ZNF423: variants seen among roughly 807,000 people sequenced by gnomAD.
ZNF423 encodes the protein zinc finger protein 423.
In ZNF423, 12 loss-of-function variants were observed where a neutral mutation model predicts 95.8. The observed-to-expected ratio is 0.13, with a 90% confidence interval of 0.08 to 0.20. ZNF423 has a LOEUF of 0.20. Among genes scored for constraint, ZNF423 ranks in the 10% least tolerant of loss-of-function variants. The pLI, the probability that ZNF423 is intolerant of heterozygous loss-of-function variation, is 1.00. For synonymous variants in ZNF423, 749 were observed against 711.9 expected, an observed-to-expected ratio of 1.05 and a Z score of -0.83; for missense variants, 1,316 against 1,737.1, an observed-to-expected ratio of 0.76 and a Z score of 4.31.
chr16:49,852,314 A>G (rs1437372988), intron 1 of ZNF423, among the ~76,000 whole-genome samples: 3 of 152,224 alleles, frequency 2.0e-5, no homozygotes, highest in African/African-American at 7.2e-5. Context: ...GGCAGTTGCT[A>G]GAGAGAGAAA....
At position 49,691,420 on chromosome 16, in the gene ZNF423, G is replaced by A. The variant is rs2031775935; in HGVS notation, c.301+39351C>T. ...AGTTACTGAACATCTCTGAGCCTCG[G>A]TTTCCTCATAGGTTAAAACAGAGGA... On this transcript the variant is annotated intron_variant, in intron 3 of 7. Coordinates refer to ENST00000563137, the MANE Select transcript of ZNF423 (RefSeq NM_001379286.1). 1.3e-5 allele frequency among the ~76,000 whole-genome samples: 2 copies of A among 152,280 alleles called. 1 individual carries two copies. Among genetic ancestry groups the A allele is most frequent in the South Asian group, 4.1e-4 (2 of 4,822 alleles).
At chr16:49,792,002 C>CAA (rs1227429391) in intron 1 of ZNF423, among the ~76,000 whole-genome samples, 5 of 71,198 alleles carry the variant, frequency 7.0e-5, no homozygotes, top group African/African-American at 2.4e-4. Flanking sequence ...GACTCCATCT[C>CAA]AAAAAAAAAA....
intron 2 of ZNF423, among the ~76,000 whole-genome samples, chr16:49,770,836 G>C (rs919060602): frequency 2.6e-5 from 4 of 152,206 alleles, no homozygotes; most frequent in Non-Finnish European, 5.9e-5. Context: ...CCTGGCCCAG[G>C]GCACTAAGAC....
chr16:49,503,120 G>A lies in ZNF423; in HGVS notation c.3850-11816C>T, dbSNP rs563313927. On this transcript the variant is annotated intron_variant, in intron 7 of 7. Coordinates refer to ENST00000563137, the MANE Select transcript of ZNF423 (RefSeq NM_001379286.1). The stretch of plus-strand genomic sequence containing the variant: ...TGACACTAACCATGTAGTGCTAAGC[G>A]GTCAGAGGCCAGTTACTTTTACTTT... Among the ~76,000 whole-genome samples, 3 of 151,716 alleles carry A rather than the reference G, an allele frequency of 2.0e-5. No individual in the cohort carries two copies. In the South Asian group the frequency reaches 6.3e-4, roughly 32 times the overall value.
intron 5 of ZNF423, among the ~76,000 whole-genome samples, chr16:49,620,696 A>T (rs1231279457): frequency 2.6e-5 from 4 of 152,130 alleles, no homozygotes; most frequent in Non-Finnish European, 1.5e-5. Context: ...GAGGACGTCC[A>T]GGGGCCCAGA....
At chr16:49,553,344 A>T (rs1246010059) in intron 5 of ZNF423, among the ~76,000 whole-genome samples, 1 of 151,862 alleles carries the variant, frequency 6.6e-6, no homozygotes, top group Non-Finnish European at 1.5e-5. Context: ...TTCTTTTCTT[A>T]TATTTTATTT....
intron 3 of ZNF423, among the ~76,000 whole-genome samples, chr16:49,680,895 G>T (rs1481039944): frequency 6.6e-6 from 1 of 152,198 alleles, no homozygotes; most frequent in Non-Finnish European, 1.5e-5. Context: ...GGCCACAGAG[G>T]TTTCTGGCTG....
intron 5 of ZNF423, among the ~76,000 whole-genome samples, chr16:49,541,973 C>T (rs956643608): frequency 2.6e-5 from 4 of 152,178 alleles, no homozygotes; most frequent in Non-Finnish European, 5.9e-5. Flanking sequence ...AGCATGAGAG[C>T]GAAGTAATAC....
At chr16:49,857,843 C>G (rs1347927104), upstream of ZNF423, 1 of 152,278 alleles carries the variant, frequency 6.6e-6, no homozygotes, top group African/African-American at 2.4e-5. The surrounding 1 kb of genome is among the most constrained non-coding windows in gnomAD (Gnocchi z 6.2). Context: ...GGGGGCGCCG[C>G]GCGTCCCCCG....
intron 5 of ZNF423, among the ~76,000 whole-genome samples, chr16:49,547,892 G>A (rs1969498661): frequency 6.6e-6 from 1 of 152,238 alleles, no homozygotes; most frequent in Admixed American, 6.5e-5. Context: ...TAATTGGGAA[G>A]GAGGTTACAA....
At chr16:49,759,422 G>A (rs1029330541) in intron 2 of ZNF423, among the ~76,000 whole-genome samples, 12 of 152,134 alleles carry the variant, frequency 7.9e-5, no homozygotes, top group South Asian at 4.2e-4. Context: ...AGGAAAGCTT[G>A]CTATCCCCTT....
In ZNF423 at chr16:49,492,506, G is replaced by C. The variant is rs1254290521; in HGVS notation, c.3850-1202C>G. ...CCGGGGCCGGGGCCGGGGCCGAGACGGGCCACTCCTGCTCCCTGGAGCAGG... is the reference window on the plus strand; with the variant it reads ...CCGGGGCCGGGGCCGGGGCCGAGACCGGCCACTCCTGCTCCCTGGAGCAGG... On this transcript the variant is annotated intron_variant, in intron 7 of 7. Coordinates refer to ENST00000563137, the MANE Select transcript of ZNF423 (RefSeq NM_001379286.1). The surrounding 1 kb of genome is among the most constrained non-coding windows in gnomAD (Gnocchi z 4.2). 1.3e-5 allele frequency among the ~76,000 whole-genome samples: 2 copies of C among 151,432 alleles called. No homozygotes were observed. The highest frequency in any genetic ancestry group is 2.9e-5 in the Non-Finnish European group (2 of 67,976).
chr16:49,613,333 C>T (rs2151847090), intron 5 of ZNF423, among the ~76,000 whole-genome samples: 1 of 152,298 alleles, frequency 6.6e-6, no homozygotes, highest in African/African-American at 2.4e-5. Context: ...GCACATACAT[C>T]AGTGGAACCC....
chr16:49,503,142 C>T (rs933884024), intron 7 of ZNF423, among the ~76,000 whole-genome samples: 1 of 151,996 alleles, frequency 6.6e-6, no homozygotes, highest in Admixed American at 6.5e-5. Context: ...GTTACTTTTA[C>T]TTTGGCCTTC....
At position 49,661,755 on chromosome 16, in the gene ZNF423, G is replaced by A. The variant is rs529848854; in HGVS notation, c.302-22881C>T. On this transcript the variant is annotated intron_variant, in intron 3 of 7. Coordinates refer to ENST00000563137, the MANE Select transcript of ZNF423 (RefSeq NM_001379286.1). The stretch of plus-strand genomic sequence containing the variant: ...ACCCAGCAAAGCCCTGCACCATGGA[G>A]GCTGCATTCCGGGGGCATCAGGATC... Among the ~76,000 whole-genome samples the A allele has an allele frequency of 3.9e-5, 6 of 152,356 alleles. 1 individual carries two copies. The South Asian group carries it at 1.2e-3, about 32-fold the overall frequency.
intron 5 of ZNF423, among the ~76,000 whole-genome samples, chr16:49,568,288 C>A (rs1449963591): frequency 6.6e-6 from 1 of 152,050 alleles, no homozygotes; most frequent in Admixed American, 6.5e-5. Context: ...GGATGTGGGC[C>A]TGGAGGGGCT....
intron 1 of ZNF423, among the ~76,000 whole-genome samples, chr16:49,794,027 C>G (rs1014966937): frequency 6.9e-6 from 1 of 144,762 alleles, no homozygotes; most frequent in Non-Finnish European, 1.5e-5. Flanking sequence ...CTCTGTCTCT[C>G]TCTCTCTCTC....
At chr16:49,644,768 C>T (rs989030456) in intron 3 of ZNF423, among the ~76,000 whole-genome samples, 1 of 151,490 alleles carries the variant, frequency 6.6e-6, no homozygotes, top group South Asian at 2.1e-4. Flanking sequence ...GTCCTCAGGG[C>T]CTCTTGTGCC....
chr16:49,817,419 G>A (rs2034873389), intron 1 of ZNF423, among the ~76,000 whole-genome samples: 1 of 152,188 alleles, frequency 6.6e-6, no homozygotes, highest in Admixed American at 6.5e-5. Flanking sequence ...CCCATCCTGG[G>A]CTTCCAGATG....
Sources: gnomAD v4.1 joint callset for allele counts (sites outside exome capture counted in the v4.1 genomes callset) on GRCh38, gnomAD v4.1.1 for gene constraint, Gnocchi (gnomAD v3.1) non-coding constraint, MANE v1.5 for transcripts, NCBI Gene and HGNC (gene_info 2026-07-23, HGNC 2026-07-21) for gene names.